The following NBPF3 variants were observed in gnomAD, a reference collection of about 807,000 sequenced individuals.
The protein encoded by NBPF3 is NBPF family member NBPF3.
In NBPF3, 57 loss-of-function variants were observed where a neutral mutation model predicts 78.1. The observed-to-expected ratio is 0.73, with a 90% CI of 0.59 to 0.91. NBPF3 has a LOEUF of 0.91. NBPF3 is among the 40% of genes least tolerant of loss of function. The pLI, the probability that NBPF3 is intolerant of heterozygous loss-of-function variation, is 0.00. For missense variants in NBPF3, 510 were observed against 715.3 expected (o/e 0.71, Z 3.27); for synonymous variants, 182 against 271.7 (o/e 0.67, Z 3.25).
chr1:21,474,929 G>T lies in NBPF3; in HGVS notation c.970G>T (p.Glu324Ter). ...TGAAAGTGATCATGAGCAAGAGGAA[G>T]AAAAAGGGCCAGTGTCTCCCAGGTA... ...ENESDHEQEE[E>*]KGPVSPRNLQ... Residue 324 changes from glutamate to a stop codon, truncating the protein, a stop_gained, in exon 8 of 15, where the codon GAA becomes TAA. Coordinates refer to ENST00000318249, the MANE Select transcript of NBPF3 (RefSeq NM_032264.6). LOFTEE classifies it high-confidence loss of function. 6.9e-6 allele frequency: 11 copies of T among 1,602,914 alleles called. No homozygotes were observed. The highest frequency in any genetic ancestry group is 9.4e-6 in the Non-Finnish European group (11 of 1,173,222).
chr1:21,482,656 T>G, intron 14 of NBPF3, 121 bp downstream of exon 14: 1 of 66,990 alleles, frequency 1.5e-5, no homozygotes, highest in South Asian at 1.2e-4. Flanking sequence ...CTGCTGACAT[T>G]GCTATTGGTT....
At chr1:21,468,474 G>A (rs756007448) in intron 2 of NBPF3, 30 of 1,430,376 alleles carry the variant, frequency 2.1e-5, no homozygotes, top group African/African-American at 1.2e-4. Flanking sequence ...CACTCTTGTC[G>A]GAGACTGAGC....
intron 2 of NBPF3, chr1:21,459,759 G>A (rs1160307188): frequency 2.5e-5 from 8 of 320,856 alleles, no homozygotes; most frequent in Admixed American, 1.4e-4. Context: ...CAGGCCCAGT[G>A]TCTTGGCAAT....
intron 2 of NBPF3, among the ~76,000 whole-genome samples, chr1:21,458,885 G>C (rs1310621172): frequency 6.6e-6 from 1 of 152,218 alleles, no homozygotes; most frequent in Non-Finnish European, 1.5e-5. Context: ...ACATTTTAAA[G>C]TGGTGCAGTC....
At chr1:21,436,912 G>A, upstream of NBPF3, 1 of 402,572 alleles carries the variant, frequency 2.5e-6, no homozygotes, top group Non-Finnish European at 4.3e-6. The surrounding 1 kb of genome is among the most constrained non-coding windows in gnomAD (Gnocchi z 4.3). Flanking sequence ...GTCCGGCGGA[G>A]GAGTCTGAGC....
In NBPF3 at chr1:21,473,312, A is replaced by G. The variant is rs7517116; in HGVS notation, c.735-68A>G. 5.0e-3 allele frequency: 7,778 copies of G among 1,555,018 alleles called. 303 individuals are homozygous for G. The African/African-American group carries it at 0.089, about 18-fold the overall frequency. On this transcript the variant is annotated intron_variant, in intron 6 of 14. Coordinates refer to ENST00000318249, the MANE Select transcript of NBPF3 (RefSeq NM_032264.6). ...TTAATGCCTCCTGTCGAAACCAGCTAGCACTCCCTGGTGTCCAATCCCTCT... is the reference window on the plus strand; with the variant it reads ...TTAATGCCTCCTGTCGAAACCAGCTGGCACTCCCTGGTGTCCAATCCCTCT...
chr1:21,442,461 C>T (rs1194977210), intron 1 of NBPF3: 1 of 152,216 alleles, frequency 6.6e-6, no homozygotes, highest in Non-Finnish European at 1.5e-5. Context: ...AGTGATACAC[C>T]TGCTTCGGCC....
chr1:21,449,356 C>T (rs112985962), intron 2 of NBPF3, among the ~76,000 whole-genome samples: 32,030 of 151,934 alleles, frequency 0.21, 3,736 homozygotes, highest in Non-Finnish European at 0.27. Flanking sequence ...GCTACCAAAC[C>T]TTGTCTGGTG....
chr1:21,454,724 C>T (rs1187479955), intron 2 of NBPF3, among the ~76,000 whole-genome samples: 1 of 152,154 alleles, frequency 6.6e-6, no homozygotes, highest in African/African-American at 2.4e-5. Context: ...ACAGGCATCC[C>T]TCTCCCACCG....
At chr1:21,468,310 G>C in intron 2 of NBPF3, 1 of 850,590 alleles carries the variant, frequency 1.2e-6, no homozygotes, top group Non-Finnish European at 1.5e-6. Flanking sequence ...TTAGAGGAAT[G>C]ATCCCCATTG....
At chr1:21,478,064 A>G (rs754884367) in intron 8 of NBPF3, 80 bp from the exon 9 acceptor site, 74 of 1,611,484 alleles carry the variant, frequency 4.6e-5, no homozygotes, top group Non-Finnish European at 5.1e-5. Context: ...TCTGTCTCCC[A>G]TCAGATCATC....
At chr1:21,461,482 A>AT (rs1222782714) in intron 2 of NBPF3, among the ~76,000 whole-genome samples, 2 of 152,006 alleles carry the variant, frequency 1.3e-5, no homozygotes, top group African/African-American at 4.8e-5. Context: ...CCTTTTTTTA[A>AT]TTTTTTTGAG....
chr1:21,459,905 GA>G, intron 2 of NBPF3: 1 of 211,042 alleles, frequency 4.7e-6, no homozygotes. Context: ...GCCTATTCAC[GA>G]AAAAGCTTGA....
chr1:21,443,571 A>G (rs928531206), intron 1 of NBPF3, among the ~76,000 whole-genome samples: 1 of 152,226 alleles, frequency 6.6e-6, no homozygotes, highest in Non-Finnish European at 1.5e-5. Flanking sequence ...GATGTGATAT[A>G]AACAATAGTA....
chr1:21,470,660 A>G lies in NBPF3; in HGVS notation c.372A>G (p.Lys124=), dbSNP rs776975135. The stretch of plus-strand genomic sequence containing the variant: ...ATGAAGACTGCAAAGACCTCATAAA[A>G]TCTATGCTGAGGGATGAGCGGCTGC... ...YDYEDCKDLI[K]SMLRDERLLT... The change falls in exon 4 of 15, where the codon AAA becomes AAG. Residue 124 remains lysine, a synonymous_variant. Transcript: ENST00000318249. The G allele has an allele frequency of 1.3e-6, 2 of 1,599,478 alleles. No individual in the cohort carries two copies. The highest frequency in any genetic ancestry group is 1.1e-5 in the South Asian group (1 of 90,892).
intron 1 of NBPF3, among the ~76,000 whole-genome samples, chr1:21,442,669 A>G (rs1243287530): frequency 7.8e-6 from 1 of 128,420 alleles, no homozygotes; most frequent in African/African-American, 2.9e-5. Flanking sequence ...CAGTTTTTGC[A>G]TTTTTTTTTT....
rs780593428 is a variant in NBPF3 at position 21,479,318 on chromosome 1, T to C, written c.1157-31T>C. 14 of 1,606,994 alleles carry C rather than the reference T, an allele frequency of 8.7e-6. 1 individual carries two copies. In the South Asian group the frequency reaches 1.3e-4, roughly 15 times the overall value. On this transcript the variant is annotated intron_variant, in intron 9 of 14. Coordinates refer to ENST00000318249, the MANE Select transcript of NBPF3 (RefSeq NM_032264.6). The stretch of plus-strand genomic sequence containing the variant: ...CCGTGTGCAAGGAAGAACTGCTTCA[T>C]GTAAGAGGCCCTGTCTGAATTTATT...
At chr1:21,439,488 TCA>T (rs1640507657), upstream of NBPF3, among the ~76,000 whole-genome samples, 4 of 30,536 alleles carry the variant, frequency 1.3e-4, no homozygotes, top group Admixed American at 1.6e-3. Flanking sequence ...AGACTCTATC[TCA>T]AAAAAAAAAA....
chr1:21,458,076 C>T (rs569819357), intron 2 of NBPF3, among the ~76,000 whole-genome samples: 107 of 152,360 alleles, frequency 7.0e-4, no homozygotes, highest in African/African-American at 2.5e-3. Context: ...AGACCTTCCT[C>T]TGGAGCCTCA....
Sources: gnomAD v4.1 joint callset for allele counts (sites outside exome capture counted in the v4.1 genomes callset) on GRCh38, gnomAD v4.1.1 for gene constraint, Gnocchi (gnomAD v3.1) non-coding constraint, MANE v1.5 for transcripts, NCBI Gene and HGNC (gene_info 2026-07-23, HGNC 2026-07-21) for gene names.